The following SMAP1 variants were observed in gnomAD, a reference collection of about 807,000 sequenced individuals.
SMAP1 encodes the protein small ArfGAP 1, also known as stromal membrane-associated protein 1.
SMAP1 carries 24 observed loss-of-function variants against 58.5 expected under a neutral mutation model. The ratio of observed to expected loss-of-function variants is 0.41; its 90% CI spans 0.30 to 0.58. SMAP1 has a LOEUF of 0.58. SMAP1 is among the 20% of genes least tolerant of loss of function. The probability of loss-of-function intolerance (pLI) is 0.29; values close to 1 mark genes in which losing one functional copy is unlikely to be tolerated. For synonymous variants in SMAP1, 216 were observed against 196.6 expected (o/e 1.10, Z -0.82); for missense variants, 563 against 566.3 (o/e 0.99, Z 0.06).
At chr6:70,686,219 G>A (rs1227341335) in intron 1 of SMAP1, among the ~76,000 whole-genome samples, 1 of 152,160 alleles carries the variant, frequency 6.6e-6, no homozygotes, top group African/African-American at 2.4e-5. Context: ...ATTTAAGAAA[G>A]TGAATCTTTA....
At chr6:70,782,128 T>A (rs939691976) in intron 4 of SMAP1, among the ~76,000 whole-genome samples, 2 of 152,154 alleles carry the variant, frequency 1.3e-5, no homozygotes, top group Non-Finnish European at 2.9e-5. Flanking sequence ...TCCAGCAAAA[T>A]TTTCTAAGGT....
chr6:70,829,510 T>C (rs1204747726), intron 6 of SMAP1, among the ~76,000 whole-genome samples: 1 of 152,056 alleles, frequency 6.6e-6, no homozygotes, highest in Non-Finnish European at 1.5e-5. Flanking sequence ...TTTTGATAGA[T>C]AGAAATTATT....
intron 1 of SMAP1, among the ~76,000 whole-genome samples, chr6:70,689,825 A>G (rs1767084334): frequency 6.6e-6 from 1 of 152,064 alleles, no homozygotes; most frequent in Non-Finnish European, 1.5e-5. Flanking sequence ...TTTTAATGCT[A>G]TTGTAAAAGA....
At chr6:70,742,318 C>CT (rs537947112) in intron 2 of SMAP1, among the ~76,000 whole-genome samples, 85 of 152,300 alleles carry the variant, frequency 5.6e-4, no homozygotes, top group Non-Finnish European at 1.0e-3. Flanking sequence ...TGCTTTGCTG[C>CT]TTAGGCATTT....
At chr6:70,833,098 T>C (rs1373179169) in intron 6 of SMAP1, among the ~76,000 whole-genome samples, 1 of 152,234 alleles carries the variant, frequency 6.6e-6, no homozygotes. Flanking sequence ...TAACTCTTAA[T>C]GGATATTAAG....
rs536008829 is a variant in SMAP1 at position 70,770,800 on chromosome 6, G to A, written c.339-2550G>A. Among the ~76,000 whole-genome samples, 6 of 152,292 alleles carry A rather than the reference G, an allele frequency of 3.9e-5. No individual in the cohort carries two copies. The East Asian group carries it at 7.7e-4, about 20-fold the overall frequency. On this transcript the variant is annotated intron_variant, in intron 3 of 10. Transcript: ENST00000370455. ...TGTTCCGTTGCTGATGAGGAGCTGC[G>A]TTCCTTTGGAGGACGAGAGGTGCTC...
chr6:70,796,262 G>A (rs761698548), intron 5 of SMAP1, among the ~76,000 whole-genome samples: 18 of 152,172 alleles, frequency 1.2e-4, no homozygotes, highest in Non-Finnish European at 2.4e-4. Flanking sequence ...AGCTGTTACT[G>A]TAAGGAATAA....
chr6:70,861,584 G>T lies in SMAP1; in HGVS notation c.*1250G>T. ...GAAGTAAAACAAACAATACCTGAAT[G>T]CTCTGTAGCCTAAACTCCAAACATC... On this transcript the variant is annotated 3_prime_UTR_variant, in exon 11 of 11. Coordinates refer to ENST00000370455, the MANE Select transcript of SMAP1 (RefSeq NM_001044305.3). 1.5e-6 allele frequency: 2 copies of T among 1,290,916 alleles called. No individual in the cohort carries two copies. Among genetic ancestry groups the T allele is most frequent in the Non-Finnish European group, 2.2e-6 (2 of 903,694 alleles). 80.0% of individuals were successfully genotyped at this position (1,290,916 alleles called of 1,614,324 possible). A position where few individuals can be genotyped will look rare whatever the true frequency, so the allele number is the denominator to read the frequency against.
rs552109271 is a variant in SMAP1, at chr6:70,753,641, A to T, written c.253-1339A>T. On this transcript the variant is annotated intron_variant, in intron 2 of 10. Coordinates refer to ENST00000370455, the MANE Select transcript of SMAP1 (RefSeq NM_001044305.3). Reference sequence around the variant, plus strand: ...ACTCTTCTTATGCTAACTTCATGCTAGTAGCCACTGTGATGTCATAGAGCC... The same window carrying T: ...ACTCTTCTTATGCTAACTTCATGCTTGTAGCCACTGTGATGTCATAGAGCC... Among the ~76,000 whole-genome samples, 3 of 152,202 alleles carry T rather than the reference A, an allele frequency of 2.0e-5. No individual in the cohort carries two copies. In the East Asian group the frequency reaches 5.8e-4, roughly 29 times the overall value.
intron 6 of SMAP1, among the ~76,000 whole-genome samples, chr6:70,814,804 A>T (rs2149974450): frequency 6.6e-6 from 1 of 152,266 alleles, no homozygotes; most frequent in Non-Finnish European, 1.5e-5. Flanking sequence ...TTGGTGGTAG[A>T]TTAAATGTTA....
intron 1 of SMAP1, among the ~76,000 whole-genome samples, chr6:70,719,330 C>A (rs1212532096): frequency 2.0e-5 from 3 of 152,064 alleles, no homozygotes; most frequent in African/African-American, 7.2e-5. Flanking sequence ...TTATTATTGT[C>A]ATTGAATGGT....
At chr6:70,802,394 A>G (rs1484182676) in intron 6 of SMAP1, among the ~76,000 whole-genome samples, 2 of 152,204 alleles carry the variant, frequency 1.3e-5, no homozygotes, top group Non-Finnish European at 1.5e-5. Context: ...TTATCAGCTT[A>G]AGGAGATTTT....
chr6:70,812,162 G>A (rs188393478), intron 6 of SMAP1, among the ~76,000 whole-genome samples: 174 of 152,302 alleles, frequency 1.1e-3, no homozygotes, highest in Non-Finnish European at 1.9e-3. Context: ...GGGGACTGCT[G>A]TAGACACAAG....
chr6:70,756,697 A>T (rs1012729782), intron 3 of SMAP1, among the ~76,000 whole-genome samples: 3 of 152,160 alleles, frequency 2.0e-5, no homozygotes, highest in Non-Finnish European at 2.9e-5. Context: ...AATGTACAAA[A>T]ATCACAAGCA....
intron 10 of SMAP1, chr6:70,858,689 A>G (rs749720653): frequency 1.3e-5 from 2 of 154,766 alleles, no homozygotes; most frequent in African/African-American, 2.4e-5. Context: ...TTCTCAAAGC[A>G]CTATTTTATG....
At chr6:70,769,372 T>C (rs553460909) in intron 3 of SMAP1, among the ~76,000 whole-genome samples, 2 of 152,304 alleles carry the variant, frequency 1.3e-5, no homozygotes, top group Admixed American at 6.5e-5. Flanking sequence ...CCCATTATTA[T>C]TGTGTGGGAG....
chr6:70,846,451 A>G (rs1770993757), intron 7 of SMAP1, among the ~76,000 whole-genome samples: 2 of 152,208 alleles, frequency 1.3e-5, no homozygotes, highest in Admixed American at 1.3e-4. Flanking sequence ...CTTCTGGAGT[A>G]CTGGGGCATG....
intron 1 of SMAP1, among the ~76,000 whole-genome samples, chr6:70,710,849 T>C (rs1768028671): frequency 6.6e-6 from 1 of 152,166 alleles, no homozygotes; most frequent in African/African-American, 2.4e-5. Context: ...CTTTTGTCTA[T>C]TATTATTATT....
intron 4 of SMAP1, among the ~76,000 whole-genome samples, chr6:70,780,486 T>C (rs1767719152): frequency 6.6e-6 from 1 of 151,974 alleles, no homozygotes; most frequent in Non-Finnish European, 1.5e-5. Context: ...GAGGCTGAGG[T>C]GAGAGAGTTG....
Sources: gnomAD v4.1 joint callset for allele counts (sites outside exome capture counted in the v4.1 genomes callset) on GRCh38, gnomAD v4.1.1 for gene constraint, MANE v1.5 for transcripts, NCBI Gene and HGNC (gene_info 2026-07-23, HGNC 2026-07-21) for gene names.